The following F13A1 variants were observed in gnomAD, a reference collection of about 807,000 sequenced individuals.
F13A1 encodes the protein coagulation factor XIII A chain.
A neutral mutation model predicts 80.1 loss-of-function variants in F13A1; 47 were observed. The ratio of observed to expected loss-of-function variants is 0.59; its 90% CI spans 0.46 to 0.75. The LOEUF (loss-of-function observed/expected upper bound fraction) is 0.75, where lower values mean the gene tolerates loss of function less well. Among genes scored for constraint, F13A1 ranks in the 30% least tolerant of loss-of-function variants. The pLI, the probability that F13A1 is intolerant of heterozygous loss-of-function variation, is 0.00. For missense variants in F13A1, 817 were observed against 930.4 expected (o/e 0.88, Z 1.59); for synonymous variants, 349 against 344.9 (o/e 1.01, Z -0.13).
Position 6,248,400 on chromosome 6 carries a change from T to C in F13A1, c.710A>G (p.Asp237Gly), listed in dbSNP as rs1295891442. ...SYGQFEDGILDTCLYVMDRAQ... is the reference protein window; with the variant it reads ...SYGQFEDGILGTCLYVMDRAQ... Reference sequence around the variant, plus strand: ...TCTGTCCATCACATACAGGCAAGTGTCCAGGATGCCATCTTCAAACTATTT... The same window carrying C: ...TCTGTCCATCACATACAGGCAAGTGCCCAGGATGCCATCTTCAAACTATTT... The change falls in exon 6 of 15, where the codon GAC becomes GGC. Residue 237 changes from aspartate to glycine, a missense_variant. Coordinates refer to ENST00000264870, the MANE Select transcript of F13A1 (RefSeq NM_000129.4). The C allele has an allele frequency of 3.7e-6, 6 of 1,613,510 alleles. No individual in the cohort carries two copies. The highest frequency in any genetic ancestry group is 3.4e-6 in the Non-Finnish European group (4 of 1,179,796).
chr6:6,176,437 T>G (rs1324180144), intron 11 of F13A1, among the ~76,000 whole-genome samples: 1 of 152,200 alleles, frequency 6.6e-6, no homozygotes, highest in Non-Finnish European at 1.5e-5. Context: ...GTCTACATCC[T>G]AGGTTTATTA....
At position 6,315,453 on chromosome 6, in the gene F13A1, T is replaced by C. The variant is rs895031298; in HGVS notation, c.130+3082A>G. On this transcript the variant is annotated intron_variant, in intron 2 of 14. Coordinates refer to ENST00000264870, the MANE Select transcript of F13A1 (RefSeq NM_000129.4). Reference sequence around the variant, plus strand: ...CCTCAAATATTTCATTTTTTTTTTCTTGAATATCATGGTGTGTATGAGAGG... The same window carrying C: ...CCTCAAATATTTCATTTTTTTTTTCCTGAATATCATGGTGTGTATGAGAGG... 2.0e-4 allele frequency among the ~76,000 whole-genome samples: 31 copies of C among 151,760 alleles called. 1 individual carries two copies.
intron 2 of F13A1, among the ~76,000 whole-genome samples, chr6:6,307,173 C>T (rs1020460664): frequency 6.6e-5 from 10 of 152,178 alleles, no homozygotes; most frequent in African/African-American, 1.9e-4. Flanking sequence ...GGGTCCTAGG[C>T]TTACTGTGGC....
chr6:6,261,480 C>G (rs1268251008), intron 4 of F13A1, among the ~76,000 whole-genome samples: 3 of 152,244 alleles, frequency 2.0e-5, no homozygotes, highest in African/African-American at 7.2e-5. Context: ...CCCCGACCAG[C>G]AGCAACAGCA....
At chr6:6,320,367 C>T (rs952036116) in intron 1 of F13A1, among the ~76,000 whole-genome samples, 1 of 152,202 alleles carries the variant, frequency 6.6e-6, no homozygotes, top group Non-Finnish European at 1.5e-5. Context: ...GCAACGGCTT[C>T]GGGAGAGCTG....
Position 6,224,759 on chromosome 6 carries a change from T to C in F13A1, c.900A>G (p.Leu300=), listed in dbSNP as rs767996340. Residue 300 remains leucine (L), a synonymous_variant, in exon 7 of 15, where the codon CTA becomes CTG. Transcript: ENST00000264870. ...GATTCTCAGAGCTCCGGTATTCCAA[T>C]AGAATGTCAACGCTTCCAGTCCAGG... The part of the protein sequence containing the change: ...PSAWTGSVDI[L]LEYRSSENPV... 4.3e-6 allele frequency: 7 copies of C among 1,614,142 alleles called. No homozygotes were observed. Among genetic ancestry groups the C allele is most frequent in the Admixed American group, 3.3e-5 (2 of 60,024 alleles).
intron 6 of F13A1, among the ~76,000 whole-genome samples, chr6:6,239,191 C>A (rs1253428801): frequency 6.6e-6 from 1 of 152,114 alleles, no homozygotes; most frequent in African/African-American, 2.4e-5. Flanking sequence ...GCATTGAAAA[C>A]ACATGTAACA....
At chr6:6,295,689 G>T (rs1758314242) in intron 3 of F13A1, among the ~76,000 whole-genome samples, 1 of 144,166 alleles carries the variant, frequency 6.9e-6, no homozygotes. Context: ...CTCCCATTCT[G>T]TAGGTTGCCT....
chr6:6,238,460 A>G (rs1226346932), intron 6 of F13A1, among the ~76,000 whole-genome samples: 1 of 152,194 alleles, frequency 6.6e-6, no homozygotes, highest in East Asian at 1.9e-4. Context: ...GATTCATGTG[A>G]AAGTCTTCAT....
rs1282327348 is a variant in F13A1 at position 6,312,549 on chromosome 6, G to A, written c.130+5986C>T. Reference sequence around the variant, plus strand: ...AAAAGTTAGCTGGTCGTGGTGGCACGTGCCTGTAGTCCCAGCTACTCGGGA... The same window carrying A: ...AAAAGTTAGCTGGTCGTGGTGGCACATGCCTGTAGTCCCAGCTACTCGGGA... On this transcript the variant is annotated intron_variant, in intron 2 of 14. Coordinates refer to ENST00000264870, the MANE Select transcript of F13A1 (RefSeq NM_000129.4). 5.1e-5 allele frequency among the ~76,000 whole-genome samples: 4 copies of A among 78,988 alleles called. 2 individuals carry two copies. The highest frequency in any genetic ancestry group is 9.7e-5 in the Non-Finnish European group (4 of 41,436). The allele number at this position is 78,988 out of a possible 152,430, so 51.8% of individuals were successfully genotyped here.
chr6:6,211,984 G>C (rs541845895), intron 8 of F13A1, among the ~76,000 whole-genome samples: 2 of 152,300 alleles, frequency 1.3e-5, no homozygotes, highest in African/African-American at 4.8e-5. Context: ...CTTAAAAAAC[G>C]GCACACCAGG....
At chr6:6,222,218 TA>T (rs1561659830) in intron 7 of F13A1, 47 bp from the exon 8 acceptor site, 3 of 1,612,796 alleles carry the variant, frequency 1.9e-6, no homozygotes, top group Non-Finnish European at 2.5e-6. Flanking sequence ...CAGCATTTAA[TA>T]AACACAGAGT....
chr6:6,206,473 G>T (rs933023474), intron 8 of F13A1: 3 of 470,860 alleles, frequency 6.4e-6, no homozygotes, highest in African/African-American at 6.0e-5. Context: ...AATTTCCCAA[G>T]AAGTTATTAC....
intron 13 of F13A1, 111 bp downstream of exon 13, chr6:6,167,339 TTTTTTTTG>T: frequency 1.1e-6 from 1 of 884,404 alleles, no homozygotes; most frequent in Non-Finnish European, 1.7e-6. Context: ...TTTTTTTTTT[TTTTTTTTG>T]AGCAGGACAT....
chr6:6,314,059 GC>G (rs1758646026), intron 2 of F13A1, among the ~76,000 whole-genome samples: 1 of 148,844 alleles, frequency 6.7e-6, no homozygotes, highest in Non-Finnish European at 1.5e-5. Context: ...TCGGCTCACT[GC>G]AACCTCCACC....
At chr6:6,300,230 C>G (rs1163335627) in intron 3 of F13A1, among the ~76,000 whole-genome samples, 2 of 144,752 alleles carry the variant, frequency 1.4e-5, no homozygotes, top group African/African-American at 5.7e-5. Flanking sequence ...GTGGAGCCTA[C>G]AGAGGCAGGC....
chr6:6,225,084 A>G (rs918012029), intron 6 of F13A1, among the ~76,000 whole-genome samples: 17 of 152,234 alleles, frequency 1.1e-4, no homozygotes, highest in Non-Finnish European at 1.9e-4. Context: ...GTTAAATCGC[A>G]TATTATAGCA....
At chr6:6,269,197 C>T (rs999818256) in intron 3 of F13A1, among the ~76,000 whole-genome samples, 10 of 151,344 alleles carry the variant, frequency 6.6e-5, no homozygotes, top group African/African-American at 9.7e-5. Context: ...TCGGGCAAAG[C>T]ACTCATCCCC....
intron 8 of F13A1, among the ~76,000 whole-genome samples, chr6:6,210,324 GAT>G (rs34960466): frequency 0.02 from 1,634 of 82,816 alleles, 145 homozygotes; most frequent in African/African-American, 0.071. Context: ...TGTAGCATGT[GAT>G]ATATATATAT....
Sources: allele counts gnomAD v4.1 joint callset (sites outside exome capture counted in the v4.1 genomes callset), GRCh38; gene constraint gnomAD v4.1.1; transcripts MANE v1.5; gene names NCBI Gene and HGNC (gene_info 2026-07-23, HGNC 2026-07-21).